GPC6: variants seen among roughly 807,000 people sequenced by gnomAD.
GPC6 encodes the protein glypican 6.
GPC6 carries 14 observed loss-of-function variants against 55.2 expected under a neutral mutation model. That is an observed-to-expected ratio of 0.25 (90% CI 0.17 to 0.40). The LOEUF (loss-of-function observed/expected upper bound fraction) is 0.40, where lower values mean the gene tolerates loss of function less well. Among genes scored for constraint, GPC6 ranks in the 10% least tolerant of loss-of-function variants. The probability of loss-of-function intolerance (pLI) is 1.00; values close to 1 mark genes in which losing one functional copy is unlikely to be tolerated. For synonymous variants in GPC6, 278 were observed against 259.6 expected, an observed-to-expected ratio of 1.07 and a Z score of -0.68; for missense variants, 641 against 708.5, an observed-to-expected ratio of 0.90 and a Z score of 1.08.
rs538517562 is a variant in GPC6, at chr13:93,628,903, G to A, written c.319+83482G>A. On this transcript the variant is annotated intron_variant, in intron 2 of 8. Transcript: ENST00000377047. ...TACCAAAAATTGGAGTATTCTATTG[G>A]CACAATTACAAGAAAGAAGCAGAGA... 4.6e-5 allele frequency among the ~76,000 whole-genome samples: 7 copies of A among 151,806 alleles called. No homozygotes were observed. In the South Asian group the frequency reaches 1.5e-3, roughly 32 times the overall value.
At chr13:94,097,380 G>A (rs944295005) in intron 4 of GPC6, among the ~76,000 whole-genome samples, 5 of 151,882 alleles carry the variant, frequency 3.3e-5, no homozygotes, top group Admixed American at 3.3e-4. Context: ...GGTGGCGGGC[G>A]CCTGTAATCC....
chr13:93,356,787 C>T (rs958600991), intron 1 of GPC6, among the ~76,000 whole-genome samples: 1 of 152,108 alleles, frequency 6.6e-6, no homozygotes, highest in East Asian at 1.9e-4. Context: ...TTGCAGGAGC[C>T]TTTCAGCTGA....
intron 4 of GPC6, among the ~76,000 whole-genome samples, chr13:94,088,901 G>A (rs1885383436): frequency 6.6e-6 from 1 of 152,054 alleles, no homozygotes; most frequent in South Asian, 2.1e-4. Context: ...CTGCCTGGGG[G>A]TCACTGATAT....
intron 2 of GPC6, among the ~76,000 whole-genome samples, chr13:93,807,002 A>G (rs570049621): frequency 6.0e-4 from 91 of 152,324 alleles, no homozygotes; most frequent in East Asian, 1.2e-3. Context: ...GTAAGAGCTT[A>G]TTGTTTTGTA....
At chr13:93,653,173 TTC>T (rs1880494340) in intron 2 of GPC6, among the ~76,000 whole-genome samples, 1 of 152,126 alleles carries the variant, frequency 6.6e-6, no homozygotes, top group Non-Finnish European at 1.5e-5. Flanking sequence ...GCACCTCAGT[TTC>T]TCTCCCTTGG....
At chr13:93,416,677 T>C (rs551489023) in intron 1 of GPC6, among the ~76,000 whole-genome samples, 2 of 152,146 alleles carry the variant, frequency 1.3e-5, no homozygotes, top group African/African-American at 4.8e-5. Context: ...CCATTAACCT[T>C]CTCCACCTCC....
chr13:94,070,736 T>G (rs987528510), intron 4 of GPC6, among the ~76,000 whole-genome samples: 1 of 152,174 alleles, frequency 6.6e-6, no homozygotes, highest in African/African-American at 2.4e-5. Flanking sequence ...TGTCTGAAAG[T>G]AGTCTGTTGC....
chr13:93,235,164 G>A (rs920593491), intron 1 of GPC6, among the ~76,000 whole-genome samples: 6 of 152,128 alleles, frequency 3.9e-5, no homozygotes, highest in Non-Finnish European at 5.9e-5. Context: ...TAATAACAAC[G>A]AGAGGTTGAA....
chr13:94,375,111 A>G (rs1879777482), intron 6 of GPC6, among the ~76,000 whole-genome samples: 1 of 150,864 alleles, frequency 6.6e-6, no homozygotes. Flanking sequence ...AGACAGCAGG[A>G]AAGATCCAAA....
chr13:93,564,992 A>C (rs1425803970), intron 2 of GPC6, among the ~76,000 whole-genome samples: 1 of 152,222 alleles, frequency 6.6e-6, no homozygotes, highest in Non-Finnish European at 1.5e-5. Context: ...AAAAGAAAAC[A>C]AAAAACATTC....
At chr13:94,206,149 A>C (rs1277449303) in intron 4 of GPC6, among the ~76,000 whole-genome samples, 1 of 152,230 alleles carries the variant, frequency 6.6e-6, no homozygotes, top group African/African-American at 2.4e-5. Context: ...GGAAATTTAT[A>C]TTTATAAAAT....
intron 6 of GPC6, among the ~76,000 whole-genome samples, chr13:94,318,045 G>A (rs1876627725): frequency 1.3e-5 from 2 of 152,206 alleles, no homozygotes; most frequent in African/African-American, 4.8e-5. Flanking sequence ...ACACTCAGTT[G>A]TTGTGAACAA....
chr13:94,211,572 A>G (rs1199904141), intron 4 of GPC6, among the ~76,000 whole-genome samples: 1 of 152,226 alleles, frequency 6.6e-6, no homozygotes, highest in East Asian at 1.9e-4. Context: ...GTTAGCTAGA[A>G]AAAAACTCAG....
rs115216940 is a variant in GPC6, at chr13:93,949,329, T to G, written c.712-78400T>G. 6.0e-3 allele frequency among the ~76,000 whole-genome samples: 921 copies of G among 152,344 alleles called. 10 individuals are homozygous for G. The highest frequency in any genetic ancestry group is 0.021 in the African/African-American group (859 of 41,574). ...TGGCATAGACAATGACATTTCTCCT[T>G]GCAGGAGTCAATAGGTTTTGTGTTG... On this transcript the variant is annotated intron_variant, in intron 3 of 8. Transcript: ENST00000377047.
intron 4 of GPC6, among the ~76,000 whole-genome samples, chr13:94,195,511 A>G (rs1220974092): frequency 6.6e-6 from 1 of 152,130 alleles, no homozygotes; most frequent in African/African-American, 2.4e-5. Flanking sequence ...CAGCTTGTAC[A>G]TGCATGTTCA....
At chr13:94,007,207 T>C (rs536656935) in intron 3 of GPC6, among the ~76,000 whole-genome samples, 16 of 152,352 alleles carry the variant, frequency 1.1e-4, no homozygotes, top group Non-Finnish European at 2.1e-4. Context: ...TGGCTTTCAT[T>C]AATCTGAAAC....
intron 2 of GPC6, among the ~76,000 whole-genome samples, chr13:93,727,352 A>G (rs367987086): frequency 2.0e-5 from 3 of 152,124 alleles, no homozygotes; most frequent in Non-Finnish European, 2.9e-5. Context: ...TAATTCTTCT[A>G]TAGATTTGAT....
At chr13:93,445,433 G>A (rs1787383571) in intron 1 of GPC6, among the ~76,000 whole-genome samples, 1 of 152,242 alleles carries the variant, frequency 6.6e-6, no homozygotes, top group Admixed American at 6.5e-5. Flanking sequence ...TAGGTGAAAG[G>A]TAATATTGGG....
chr13:93,338,328 C>G (rs1316064217), intron 1 of GPC6, among the ~76,000 whole-genome samples: 3 of 152,138 alleles, frequency 2.0e-5, no homozygotes, highest in Non-Finnish European at 2.9e-5. Flanking sequence ...TCACATGGAA[C>G]TGAAATTTAT....
Sources: allele counts gnomAD v4.1 joint callset (sites outside exome capture counted in the v4.1 genomes callset), GRCh38; gene constraint gnomAD v4.1.1; transcripts MANE v1.5; gene names NCBI Gene and HGNC (gene_info 2026-07-23, HGNC 2026-07-21).